TLE4: variants seen among roughly 807,000 people sequenced by gnomAD.
TLE4 encodes transducin-like enhancer protein 4.
TLE4 carries 8 observed loss-of-function variants against 92.8 expected under a neutral mutation model. That is an observed-to-expected ratio of 0.09 (90% CI 0.05 to 0.16). The LOEUF (loss-of-function observed/expected upper bound fraction) is 0.16. TLE4 is among the 10% of genes least tolerant of loss of function. TLE4 has a pLI of 1.00. For missense variants in TLE4, 675 were observed against 997.6 expected, an observed-to-expected ratio of 0.68 and a Z score of 4.36; for synonymous variants, 371 against 374.1, an observed-to-expected ratio of 0.99 and a Z score of 0.10.
chr9:79,625,014 CTTTT>C lies in TLE4; in HGVS notation c.316-2340_316-2337del, dbSNP rs34968887. ...AGTTTCTTTTAAATCTATTTCTTTT[CTTTT>C]TTTTTTTTTTTTTTTTTTTGAGACG... On this transcript the variant is annotated intron_variant, in intron 5 of 19. Transcript: ENST00000376552. Among the ~76,000 whole-genome samples the C allele has an allele frequency of 1.5e-4, 12 of 79,950 alleles. No individual in the cohort carries two copies. The Admixed American group carries it at 2.2e-3, about 15-fold the overall frequency. 52.5% of individuals were successfully genotyped at this position (79,950 alleles called of 152,430 possible).
At chr9:79,622,324 T>C (rs1293138579) in intron 5 of TLE4, among the ~76,000 whole-genome samples, 1 of 152,164 alleles carries the variant, frequency 6.6e-6, no homozygotes, top group African/African-American at 2.4e-5. Context: ...TCTGCAGCTG[T>C]GTCCCCTACC....
Position 79,722,555 on chromosome 9 carries a change from A to C in TLE4, c.2091A>C (p.Leu697=). The change falls in exon 18 of 20, where the codon CTA becomes CTC. Residue 697 remains leucine, a synonymous_variant. Coordinates refer to ENST00000376552, the MANE Select transcript of TLE4 (RefSeq NM_007005.6). Reference sequence around the variant, plus strand: ...TCACCAAGCCAGACAAATACCAACTACATCTTCATGAGAGCTGTGTGCTGT... The same window carrying C: ...TCACCAAGCCAGACAAATACCAACTCCATCTTCATGAGAGCTGTGTGCTGT... ...LHVTKPDKYQ[L]HLHESCVLSL... 1 of 1,614,206 alleles carries C rather than the reference A, an allele frequency of 6.2e-7. No individual in the cohort carries two copies. The highest frequency in any genetic ancestry group is 8.5e-7 in the Non-Finnish European group (1 of 1,180,034).
At chr9:79,651,031 ATCTCTCTC>A (rs10580766) in intron 6 of TLE4, among the ~76,000 whole-genome samples, 4,652 of 138,788 alleles carry the variant, frequency 0.034, 134 homozygotes, top group Middle Eastern at 0.049. Flanking sequence ...GGAATGATCG[ATCTCTCTC>A]TCTCTCTCTC....
chr9:79,577,974 A>C (rs1307843309), intron 4 of TLE4, among the ~76,000 whole-genome samples: 1 of 152,080 alleles, frequency 6.6e-6, no homozygotes, highest in Non-Finnish European at 1.5e-5. Flanking sequence ...AGAACAGTAC[A>C]TTTTCCCTTT....
At chr9:79,695,997 C>T (rs1276406460) in intron 8 of TLE4, among the ~76,000 whole-genome samples, 1 of 152,136 alleles carries the variant, frequency 6.6e-6, no homozygotes, top group Non-Finnish European at 1.5e-5. Flanking sequence ...GTGTTGATTT[C>T]TGTTGTGACT....
At chr9:79,672,732 A>C (rs775646221) in intron 8 of TLE4, among the ~76,000 whole-genome samples, 1 of 152,128 alleles carries the variant, frequency 6.6e-6, no homozygotes, top group Admixed American at 6.5e-5. Context: ...AATTTGATTT[A>C]AGAGGGATTC....
chr9:79,675,957 A>T (rs147227975), intron 8 of TLE4, among the ~76,000 whole-genome samples: 3 of 152,238 alleles, frequency 2.0e-5, no homozygotes, highest in African/African-American at 7.2e-5. Context: ...CTTGAGCGTC[A>T]GGTTGGTGCT....
intron 8 of TLE4, among the ~76,000 whole-genome samples, chr9:79,678,770 C>G (rs967719416): frequency 1.3e-5 from 2 of 151,820 alleles, no homozygotes; most frequent in African/African-American, 4.8e-5. Context: ...ATCCCTCCCC[C>G]CTGCCCCCAC....
rs536448129 is a variant in TLE4 at position 79,725,684 on chromosome 9, T to C, written c.*540T>C. ...GTTGTTATTAGGTTTTTTTTGTTTT[T>C]GTTTTCTACATCTTTTAAAGACTTT... On this transcript the variant is annotated 3_prime_UTR_variant, in exon 20 of 20. Coordinates refer to ENST00000376552, the MANE Select transcript of TLE4 (RefSeq NM_007005.6). 6.5e-6 allele frequency: 1 copy of C among 152,900 alleles called. No individual in the cohort carries two copies. The highest frequency in any genetic ancestry group is 1.5e-5 in the Non-Finnish European group (1 of 68,158). 9.5% of individuals were successfully genotyped at this position (152,900 alleles called of 1,614,324 possible). A position where few individuals can be genotyped will look rare whatever the true frequency, so the allele number is the denominator to read the frequency against.
chr9:79,684,062 A>G (rs1466794048), intron 8 of TLE4, among the ~76,000 whole-genome samples: 2 of 152,300 alleles, frequency 1.3e-5, no homozygotes, highest in East Asian at 3.9e-4. Flanking sequence ...TCTAATATGG[A>G]TGTCTTAAAA....
At chr9:79,723,889 A>G (rs7862187) in intron 19 of TLE4, among the ~76,000 whole-genome samples, 137,929 of 152,218 alleles carry the variant, frequency 0.91, 62,487 homozygotes, top group African/African-American at 0.91. Flanking sequence ...TCCCAACTGC[A>G]CTTTAAAAAA....
intron 4 of TLE4, among the ~76,000 whole-genome samples, chr9:79,585,595 T>C (rs1341512427): frequency 6.6e-6 from 1 of 152,198 alleles, no homozygotes; most frequent in Non-Finnish European, 1.5e-5. Flanking sequence ...AGATCTCTTT[T>C]AGCTCTTTTG....
chr9:79,661,421 G>A (rs929088171), intron 8 of TLE4, among the ~76,000 whole-genome samples: 5 of 152,158 alleles, frequency 3.3e-5, no homozygotes, highest in Non-Finnish European at 7.3e-5. Context: ...CTTTCTACGC[G>A]TAGGACCCAC....
At chr9:79,724,972 G>T in intron 19 of TLE4, 65 bp from the exon 20 acceptor site, 1 of 1,182,768 alleles carries the variant, frequency 8.5e-7, no homozygotes, top group Admixed American at 1.8e-5. Context: ...TTTGCTCTAA[G>T]TCCTCCATAC....
At chr9:79,591,866 G>A (rs2042604215) in intron 4 of TLE4, among the ~76,000 whole-genome samples, 1 of 152,176 alleles carries the variant, frequency 6.6e-6, no homozygotes, top group Non-Finnish European at 1.5e-5. Flanking sequence ...TACCTAGGAA[G>A]GAGGGAGTGA....
Position 79,721,723 on chromosome 9 carries a change from C to G in TLE4, c.1839-18C>G. 6.2e-7 allele frequency: 1 copy of G among 1,613,748 alleles called. No individual in the cohort carries two copies. Among genetic ancestry groups the G allele is most frequent in the South Asian group, 1.1e-5 (1 of 90,930 alleles). ...AGCTAACTTTTCAAGGGCTTTCCCT[C>G]CATTTTGACATTTTCAGGCAATTCC... On this transcript the variant is annotated intron_variant, in intron 16 of 19. Coordinates refer to ENST00000376552, the MANE Select transcript of TLE4 (RefSeq NM_007005.6).
chr9:79,700,024 A>G (rs1349934567), intron 8 of TLE4, among the ~76,000 whole-genome samples: 1 of 152,208 alleles, frequency 6.6e-6, no homozygotes, highest in Admixed American at 6.5e-5. Context: ...CCCAATCTCT[A>G]AAGTAAGTAG....
chr9:79,684,865 T>C (rs1453213292), intron 8 of TLE4, among the ~76,000 whole-genome samples: 1 of 152,190 alleles, frequency 6.6e-6, no homozygotes, highest in Non-Finnish European at 1.5e-5. Flanking sequence ...GACAGAGCCC[T>C]ACCAAATGTG....
At chr9:79,657,807 T>C (rs1057334136) in intron 8 of TLE4, among the ~76,000 whole-genome samples, 5 of 152,180 alleles carry the variant, frequency 3.3e-5, no homozygotes. Flanking sequence ...AGCTTAAATA[T>C]AAGTCGCAAA....
Sources: gnomAD v4.1 joint callset for allele counts (sites outside exome capture counted in the v4.1 genomes callset) on GRCh38, gnomAD v4.1.1 for gene constraint, MANE v1.5 for transcripts, NCBI Gene and HGNC (gene_info 2026-07-23, HGNC 2026-07-21) for gene names.